Variants in TAF4 observed in about 807,000 individuals in gnomAD.
TAF4 encodes the protein TATA-box binding protein associated factor 4.
A neutral mutation model predicts 90.3 loss-of-function variants in TAF4; 9 were observed. The observed-to-expected ratio is 0.10, with a 90% CI of 0.06 to 0.17. The LOEUF is 0.17. Ranked by LOEUF, TAF4 falls within the 10% of genes least tolerant of loss-of-function variation. TAF4 has a pLI of 1.00. For missense variants in TAF4, 1,351 were observed against 1,370.7 expected, an observed-to-expected ratio of 0.99 and a Z score of 0.23; for synonymous variants, 818 against 638.9, an observed-to-expected ratio of 1.28 and a Z score of -4.23.
chr20:61,998,316 T>G lies in TAF4; in HGVS notation c.2914-124A>C, dbSNP rs1568926394. 4 of 1,002,420 alleles carry G rather than the reference T, an allele frequency of 4.0e-6. No individual in the cohort carries two copies. In the East Asian group the frequency reaches 1.1e-4, roughly 29 times the overall value. 62.1% of individuals were successfully genotyped at this position (1,002,420 alleles called of 1,614,324 possible). ...TAATGTTAAAGAATGCATAGCAAAT[T>G]TGTGAAATGCTTATAGCCAAAGATG... On this transcript the variant is annotated intron_variant, in intron 12 of 14. Transcript: ENST00000252996.
intron 1 of TAF4, among the ~76,000 whole-genome samples, chr20:62,036,277 G>A (rs1481223496): frequency 4.6e-5 from 7 of 152,156 alleles, no homozygotes; most frequent in Non-Finnish European, 8.8e-5. Flanking sequence ...CACCCGCCTC[G>A]GCCTCCCGAA....
chr20:62,054,989 A>C (rs1005107714), intron 1 of TAF4, among the ~76,000 whole-genome samples: 1 of 150,370 alleles, frequency 6.7e-6, no homozygotes, highest in African/African-American at 2.5e-5. Flanking sequence ...CCTAAGCCCC[A>C]CCATCTGCCC....
At chr20:62,053,845 G>A (rs891622541) in intron 1 of TAF4, among the ~76,000 whole-genome samples, 1 of 152,260 alleles carries the variant, frequency 6.6e-6, no homozygotes, top group African/African-American at 2.4e-5. Context: ...GGAGAGGCCT[G>A]CATCACTTCT....
chr20:62,014,883 C>CA (rs1418143732), intron 1 of TAF4, among the ~76,000 whole-genome samples, 176 bp from the exon 2 acceptor site: 1 of 151,994 alleles, frequency 6.6e-6, no homozygotes, highest in African/African-American at 2.4e-5. Flanking sequence ...GTATACAAGA[C>CA]AAAAAAACTG....
rs1461874076 is a variant in TAF4 at position 62,003,265 on chromosome 20, A to G, written c.2381T>C (p.Val794Ala). ...GGTTCCAGGTAACACGGCGGGTTTC[A>G]CCACAGGGACTACAAAACAAACACA... The part of the protein sequence containing the change: ...QLNPLQPVPV[V>A]KPAVLPGTKA... Residue 794 changes from valine to alanine, a missense_variant, in exon 9 of 15, where the codon GTG (valine) becomes GCG (alanine). Val to Ala is a moderately conservative substitution (Grantham distance 64). This residue lies in a region of TAF4 where 202 missense variants were observed against 229.7 expected (regional missense o/e 0.88). Transcript: ENST00000252996. 6.2e-7 allele frequency: 1 copy of G among 1,613,736 alleles called. No individual in the cohort carries two copies. Among genetic ancestry groups the G allele is most frequent in the East Asian group, 2.2e-5 (1 of 44,898 alleles).
At chr20:62,056,622 A>G (rs1364170850) in intron 1 of TAF4, among the ~76,000 whole-genome samples, 6 of 152,160 alleles carry the variant, frequency 3.9e-5, no homozygotes, top group African/African-American at 1.4e-4. Flanking sequence ...CAGACACAGG[A>G]CAAGGCAAAG....
chr20:61,989,907 C>A (rs1392455262), intron 14 of TAF4, among the ~76,000 whole-genome samples: 1 of 152,142 alleles, frequency 6.6e-6, no homozygotes, highest in East Asian at 1.9e-4. Flanking sequence ...CTGAGCAGCC[C>A]CAGGGGTGGC....
intron 14 of TAF4, among the ~76,000 whole-genome samples, chr20:61,982,381 G>A (rs2055553470): frequency 8.2e-6 from 1 of 122,556 alleles, no homozygotes; most frequent in African/African-American, 3.2e-5. Context: ...CCACCCGGAA[G>A]AGACACCAAA....
intron 1 of TAF4, among the ~76,000 whole-genome samples, chr20:62,024,442 A>G (rs770912073): frequency 3.3e-5 from 5 of 152,276 alleles, no homozygotes; most frequent in Non-Finnish European, 5.9e-5. Context: ...TCAAAATGTT[A>G]AACTTCGGCT....
intron 1 of TAF4, among the ~76,000 whole-genome samples, chr20:62,050,039 C>T (rs899299792): frequency 6.6e-5 from 10 of 152,210 alleles, no homozygotes; most frequent in African/African-American, 1.9e-4. Context: ...CTTCACCCAA[C>T]GCCTACTGTC....
At chr20:62,015,088 C>A (rs2281737) in intron 1 of TAF4, among the ~76,000 whole-genome samples, 29,694 of 152,116 alleles carry the variant, frequency 0.2, 3,693 homozygotes, top group East Asian at 0.47. Context: ...GGGCCACGTC[C>A]GCTGGGCTGG....
intron 14 of TAF4, 144 bp from the exon 15 acceptor site, chr20:61,976,479 C>G (rs1173929908): frequency 3.2e-6 from 3 of 942,500 alleles, no homozygotes; most frequent in East Asian, 5.0e-5. Flanking sequence ...ACAGCTGGAG[C>G]TGGGGTGCTG....
chr20:62,018,501 C>T (rs578039900), intron 1 of TAF4, among the ~76,000 whole-genome samples: 5 of 152,372 alleles, frequency 3.3e-5, no homozygotes, highest in East Asian at 3.9e-4. Flanking sequence ...GAAAGGCAGC[C>T]GCCCCTCCTG....
At chr20:61,994,102 C>G (rs1299754363) in intron 14 of TAF4, among the ~76,000 whole-genome samples, 3 of 111,146 alleles carry the variant, frequency 2.7e-5, no homozygotes, top group Non-Finnish European at 6.4e-5. Context: ...TAAAAGAAAT[C>G]CAGGAAAAAA....
chr20:62,059,909 A>T (rs1416131712), intron 1 of TAF4, among the ~76,000 whole-genome samples: 3 of 152,242 alleles, frequency 2.0e-5, no homozygotes, highest in African/African-American at 7.2e-5. Context: ...AACAATTTAT[A>T]AAAGCTTTCT....
chr20:61,981,336 TA>T (rs1167122048), intron 14 of TAF4: 1 of 151,816 alleles, frequency 6.6e-6, no homozygotes, highest in Non-Finnish European at 1.5e-5. Context: ...ACAAGAAAAT[TA>T]ACAACACTCT....
At chr20:62,020,898 TAGG>T (rs2055839071) in intron 1 of TAF4, among the ~76,000 whole-genome samples, 2 of 152,092 alleles carry the variant, frequency 1.3e-5, no homozygotes, top group African/African-American at 2.4e-5. Flanking sequence ...ACAGAAATTC[TAGG>T]AGGACAGAAA....
chr20:61,984,116 A>C (rs2055567355), intron 14 of TAF4, among the ~76,000 whole-genome samples: 1 of 152,190 alleles, frequency 6.6e-6, no homozygotes, highest in Admixed American at 6.5e-5. Flanking sequence ...GACAAAACTA[A>C]GCCAGCAGCC....
intron 1 of TAF4, among the ~76,000 whole-genome samples, chr20:62,047,135 G>A (rs28382007): frequency 0.015 from 2,255 of 152,260 alleles, 57 homozygotes; most frequent in African/African-American, 0.051. Context: ...TCCAGCCACA[G>A]TCATAAAGAC....
Sources: allele counts gnomAD v4.1 joint callset (sites outside exome capture counted in the v4.1 genomes callset), GRCh38; gene constraint gnomAD v4.1.1; regional missense constraint gnomAD v4.1.1; transcripts MANE v1.5; gene names NCBI Gene and HGNC (gene_info 2026-07-23, HGNC 2026-07-21).